Variants in CCM2 observed in about 807,000 individuals in gnomAD.
The protein encoded by CCM2 is CCM2 scaffold protein.
Under a neutral mutation model 44.9 loss-of-function variants are expected in CCM2, and 25 were observed. The observed-to-expected ratio is 0.56, with a 90% confidence interval of 0.41 to 0.78. The LOEUF is 0.78. Among genes scored for constraint, CCM2 ranks in the 30% least tolerant of loss-of-function variants. The pLI is 0.00. For synonymous variants in CCM2, 219 were observed against 241.1 expected, an observed-to-expected ratio of 0.91 and a Z score of 0.85; for missense variants, 481 against 580.6, an observed-to-expected ratio of 0.83 and a Z score of 1.76.
intron 2 of CCM2, among the ~76,000 whole-genome samples, chr7:45,047,433 A>G (rs891780790): frequency 1.3e-5 from 2 of 152,162 alleles, no homozygotes; most frequent in Non-Finnish European, 2.9e-5. Flanking sequence ...CCTACTGGGG[A>G]GGCTGAGGCT....
chr7:45,053,052 A>C lies in CCM2; in HGVS notation c.205-10866A>C, dbSNP rs201785545. ...AGTGGAGTCTTTACCCAGTGGATGT[A>C]CTTTCAGGTGGACCTGGCTGGGCTT... On this transcript the variant is annotated intron_variant, in intron 2 of 9. Transcript: ENST00000258781. Among the ~76,000 whole-genome samples, 8 of 152,340 alleles carry C rather than the reference A, an allele frequency of 5.3e-5. No individual in the cohort carries two copies. In the East Asian group the frequency reaches 1.5e-3, roughly 29 times the overall value.
chr7:45,069,901 C>G lies in CCM2; in HGVS notation c.685C>G (p.Leu229Val). The G allele has an allele frequency of 6.2e-7, 1 of 1,614,186 alleles. No homozygotes were observed. The highest frequency in any genetic ancestry group is 8.5e-7 in the Non-Finnish European group (1 of 1,180,014). The change falls in exon 6 of 10, where the codon CTG becomes GTG. Residue 229 changes from leucine (L) to valine (V), a missense_variant. Leu to Val is a conservative substitution (Grantham distance 32). Transcript: ENST00000258781. ...TTACACGGAGTCCACCATCGACTTT[C>G]TGGACAGAGCGATATTTGATGGGGC... is the stretch of plus-strand genomic sequence containing the variant. ...VVYTESTIDF[L>V]DRAIFDGAST...
intron 2 of CCM2, among the ~76,000 whole-genome samples, chr7:45,044,768 T>G (rs1374202722): frequency 6.6e-6 from 1 of 152,252 alleles, no homozygotes; most frequent in African/African-American, 2.4e-5. Flanking sequence ...TATAATTATT[T>G]CCAAATTTTC....
At chr7:45,022,875 G>C (rs926574453) in intron 1 of CCM2, among the ~76,000 whole-genome samples, 1 of 151,812 alleles carries the variant, frequency 6.6e-6, no homozygotes, top group Non-Finnish European at 1.5e-5. Flanking sequence ...CGAGTAGCTG[G>C]GATTACAGGT....
chr7:45,052,584 A>G (rs1441875554), intron 2 of CCM2, among the ~76,000 whole-genome samples: 1 of 152,230 alleles, frequency 6.6e-6, no homozygotes, highest in East Asian at 1.9e-4. Flanking sequence ...CATGAACATC[A>G]GTAGTTCCTG....
intron 1 of CCM2, among the ~76,000 whole-genome samples, chr7:45,036,739 G>A (rs189057248): frequency 2.4e-3 from 365 of 152,268 alleles, no homozygotes; most frequent in Non-Finnish European, 4.3e-3. Context: ...TTGCATATGG[G>A]TGAATTTCCC....
intron 1 of CCM2, among the ~76,000 whole-genome samples, chr7:45,028,855 A>T (rs1414942754): frequency 6.6e-6 from 1 of 151,944 alleles, no homozygotes; most frequent in Non-Finnish European, 1.5e-5. Flanking sequence ...GGAAATTCAC[A>T]TAGGCAGGGG....
At chr7:45,016,968 A>G (rs1309133399) in intron 1 of CCM2, among the ~76,000 whole-genome samples, 1 of 150,844 alleles carries the variant, frequency 6.6e-6, no homozygotes, top group Non-Finnish European at 1.5e-5. Flanking sequence ...ACAGGGTTTC[A>G]CCATGTTAGC....
rs150362858 is a variant in CCM2 at position 45,073,451 on chromosome 7, C to G, written c.804-9C>G. On this transcript the variant is annotated splice_polypyrimidine_tract_variant and intron_variant, in intron 7 of 9. Coordinates refer to ENST00000258781, the MANE Select transcript of CCM2 (RefSeq NM_031443.4). ...AAGCCACCCGCTCACATACCACATT[C>G]TTTCGCAGCTGCTTCCCTGAATCTG... The G allele has an allele frequency of 4.3e-4, 700 of 1,609,496 alleles. 3 individuals are homozygous for G. The African/African-American group carries it at 8.1e-3, about 19-fold the overall frequency.
In CCM2 at chr7:45,074,278, C is replaced by T. The variant is rs1176191555; in HGVS notation, c.924C>T (p.Thr308=). ...GCTCTGCTCTCTTGCAGCTGCGCAC[C>T]AAGCTGTCATCACAGGAGATCCAGC... The part of the protein sequence containing the change: ...LLQDYMLTLR[T]KLSSQEIQQF... Residue 308 remains threonine (T), a synonymous_variant, in exon 9 of 10, where the codon ACC becomes ACT. Coordinates refer to ENST00000258781, the MANE Select transcript of CCM2 (RefSeq NM_031443.4). 1.9e-6 allele frequency: 3 copies of T among 1,613,484 alleles called. No homozygotes were observed. The highest frequency in any genetic ancestry group is 2.2e-5 in the South Asian group (2 of 91,084).
intron 7 of CCM2, 151 bp downstream of exon 7, chr7:45,072,934 G>T: frequency 1.4e-6 from 1 of 724,908 alleles, no homozygotes. Flanking sequence ...GTGAATGGCT[G>T]AGGCCTGGCT....
chr7:45,073,655 A>G, intron 8 of CCM2, 84 bp downstream of exon 8: 2 of 980,226 alleles, frequency 2.0e-6, no homozygotes, highest in Non-Finnish European at 3.1e-6. Context: ...GAGGAGGAGG[A>G]GCAGTGCAGG....
intron 1 of CCM2, among the ~76,000 whole-genome samples, chr7:45,019,870 C>T (rs1479732166): frequency 6.6e-6 from 1 of 152,166 alleles, no homozygotes; most frequent in African/African-American, 2.4e-5. Context: ...CTCCCGCACC[C>T]AGCCATCAGC....
intron 2 of CCM2, among the ~76,000 whole-genome samples, chr7:45,050,934 T>C (rs1316278333): frequency 1.3e-5 from 2 of 152,164 alleles, no homozygotes; most frequent in Non-Finnish European, 2.9e-5. Flanking sequence ...AGGGGAAAGA[T>C]GCCTGAAAAT....
At chr7:45,045,880 A>G (rs187831067) in intron 2 of CCM2, among the ~76,000 whole-genome samples, 1 of 152,246 alleles carries the variant, frequency 6.6e-6, no homozygotes, top group Admixed American at 6.5e-5. Flanking sequence ...AATCAATACC[A>G]TTCACAATCA....
intron 1 of CCM2, among the ~76,000 whole-genome samples, chr7:45,033,009 C>T (rs1054906084): frequency 3.3e-5 from 4 of 122,264 alleles, no homozygotes; most frequent in Admixed American, 1.1e-4. Context: ...CATTGCACTC[C>T]ATCCAGCCTT....
chr7:45,008,812 C>T (rs1795951635), intron 1 of CCM2, among the ~76,000 whole-genome samples: 1 of 152,132 alleles, frequency 6.6e-6, no homozygotes, highest in South Asian at 2.1e-4. Context: ...CTTTACATAG[C>T]TTTTACTTTT....
chr7:45,023,779 C>T (rs1583867893), intron 1 of CCM2, among the ~76,000 whole-genome samples: 2 of 70,822 alleles, frequency 2.8e-5, no homozygotes, highest in Non-Finnish European at 3.0e-5. Flanking sequence ...TTTGATAGCT[C>T]TGTATCAGTT....
intron 2 of CCM2, among the ~76,000 whole-genome samples, chr7:45,047,017 A>G (rs1050725658): frequency 1.3e-5 from 2 of 152,230 alleles, no homozygotes; most frequent in African/African-American, 2.4e-5. Flanking sequence ...TAAAACCATA[A>G]TGAGCTGCCA....
Sources: allele counts gnomAD v4.1 joint callset (sites outside exome capture counted in the v4.1 genomes callset), GRCh38; gene constraint gnomAD v4.1.1; transcripts MANE v1.5; gene names NCBI Gene and HGNC (gene_info 2026-07-23, HGNC 2026-07-21).